The following ITGAE variants were observed in gnomAD, a reference collection of about 807,000 sequenced individuals.
The protein encoded by ITGAE is integrin alpha-E.
ITGAE carries 99 observed loss-of-function variants against 136.5 expected under a neutral mutation model. The observed-to-expected ratio is 0.73, with a 90% CI of 0.62 to 0.86. The LOEUF (loss-of-function observed/expected upper bound fraction) is 0.86. Among genes scored for constraint, ITGAE ranks in the 40% least tolerant of loss-of-function variants. The probability of loss-of-function intolerance (pLI) is 0.00; values close to 1 mark genes in which losing one functional copy is unlikely to be tolerated. For missense variants in ITGAE, 1,447 were observed against 1,515.3 expected, an observed-to-expected ratio of 0.95 and a Z score of 0.75; for synonymous variants, 613 against 591.8, an observed-to-expected ratio of 1.04 and a Z score of -0.52.
chr17:3,727,485 C>T (rs372015228), intron 26 of ITGAE, among the ~76,000 whole-genome samples: 29 of 151,750 alleles, frequency 1.9e-4, no homozygotes, highest in East Asian at 1.8e-3. Flanking sequence ...CTGCAAGCTC[C>T]GCCTCCCGGG....
At chr17:3,719,977 C>T (rs1044727174) in intron 29 of ITGAE, among the ~76,000 whole-genome samples, 5 of 152,168 alleles carry the variant, frequency 3.3e-5, no homozygotes, top group South Asian at 2.1e-4. Context: ...CCACCTGTCT[C>T]GGCCTCCCAA....
intron 21 of ITGAE, among the ~76,000 whole-genome samples, chr17:3,733,417 T>C (rs2051391347): frequency 6.6e-6 from 1 of 152,050 alleles, no homozygotes; most frequent in South Asian, 2.1e-4. Flanking sequence ...ACTTTGGTTT[T>C]GTTTGTTTGT....
intron 1 of ITGAE, among the ~76,000 whole-genome samples, chr17:3,786,133 C>T (rs1210636170): frequency 1.4e-5 from 2 of 146,554 alleles, no homozygotes; most frequent in African/African-American, 5.1e-5. Context: ...CGCCACTGCA[C>T]TCCAGCCTGG....
intron 8 of ITGAE, 137 bp downstream of exon 8, chr17:3,759,265 C>A: frequency 1.0e-6 from 1 of 966,988 alleles, no homozygotes. Context: ...TGTCATCCCT[C>A]ACGTTCTCTC....
rs373388810 is a variant in ITGAE, at chr17:3,732,399, C to T, written c.2723G>A (p.Arg908Lys). 2.6e-5 allele frequency: 42 copies of T among 1,614,142 alleles called. No homozygotes were observed. In the African/African-American group the frequency reaches 5.1e-4, roughly 19 times the overall value. ...CCTCTTGAGGACGGGGTGACCAATC[C>T]TGCAGTTCATGATCAGGACAGAAGC... ...PVASVLIMNCRIGHPVLKRSS... is the reference protein window; with the variant it reads ...PVASVLIMNCKIGHPVLKRSS... Residue 908 changes from arginine (R) to lysine (K), a missense_variant, in exon 22 of 31, where the codon AGG (arginine) becomes AAG (lysine). This residue lies in a region of ITGAE where 1,031 missense variants were observed against 1,011.4 expected (regional missense o/e 1.02). Coordinates refer to ENST00000263087, the MANE Select transcript of ITGAE (RefSeq NM_002208.5).
At chr17:3,719,253 A>AAAAAG (rs2051002892) in intron 29 of ITGAE, among the ~76,000 whole-genome samples, 1 of 109,550 alleles carries the variant, frequency 9.1e-6, no homozygotes, top group Admixed American at 8.8e-5. Flanking sequence ...AAAAAAAAAA[A>AAAAAG]AAAGAAAAGA....
intron 20 of ITGAE, among the ~76,000 whole-genome samples, chr17:3,737,712 G>A (rs1412061048): frequency 6.6e-6 from 1 of 152,196 alleles, no homozygotes; most frequent in Non-Finnish European, 1.5e-5. Context: ...CAAAATTTAT[G>A]TATGCACATG....
intron 1 of ITGAE, among the ~76,000 whole-genome samples, chr17:3,787,315 T>C (rs2052824143): frequency 6.6e-6 from 1 of 152,118 alleles, no homozygotes; most frequent in African/African-American, 2.4e-5. Flanking sequence ...TTTCCCCATG[T>C]TGGCCAGGCT....
At chr17:3,755,738 G>C (rs2052004128) in intron 11 of ITGAE, 92 bp downstream of exon 11, 1 of 1,031,488 alleles carries the variant, frequency 9.7e-7, no homozygotes. Context: ...GTAGGGCAGA[G>C]CCCTGGATGG....
At chr17:3,724,336 G>T in intron 26 of ITGAE, 1 of 1,591,796 alleles carries the variant, frequency 6.3e-7, no homozygotes, top group Non-Finnish European at 8.5e-7. Flanking sequence ...GGCCCGCTCC[G>T]ACTTCCGCCC....
rs752518999 is a variant in ITGAE, at chr17:3,755,175, G to A, written c.1326C>T (p.Phe442=). The A allele has an allele frequency of 1.4e-5, 22 of 1,571,606 alleles. No individual in the cohort carries two copies. The African/African-American group carries it at 2.9e-4, about 20-fold the overall frequency. ...CCGCCGCCGCCGCTGTCTGGTTCAG[G>A]AAGCGGCCCCGGCGGCTGCGTGTGT... is the stretch of plus-strand genomic sequence containing the variant. ...LYDTRSRRGR[F]LNQTAAAAAD... Residue 442 remains phenylalanine (F), a synonymous_variant, in exon 12 of 31, where the codon TTC becomes TTT. Transcript: ENST00000263087.
At chr17:3,734,741 G>A in intron 21 of ITGAE, 76 bp downstream of exon 21, 24 of 1,572,660 alleles carry the variant, frequency 1.5e-5, no homozygotes, top group Non-Finnish European at 2.0e-5. Flanking sequence ...CCAGTGAGGG[G>A]GCCACCACAG....
chr17:3,783,985 G>T (rs2052721239), intron 1 of ITGAE, among the ~76,000 whole-genome samples: 1 of 152,218 alleles, frequency 6.6e-6, no homozygotes, highest in Non-Finnish European at 1.5e-5. Context: ...GACCAGCGGG[G>T]CGCGGCGGCT....
In ITGAE at chr17:3,729,542, G is replaced by A. The variant is rs1716; in HGVS notation, c.2848C>T (p.Arg950Trp). ...GTGTGGGTCTCGTTGGCCAAAGACC[G>A]TCTTTCATTGGAACTAGGAATAAGA... The part of the protein sequence containing the change: ...TVTVTNSNER[R>W]SLANETHTLQ... The change falls in exon 24 of 31, where the codon CGG becomes TGG. Residue 950 changes from arginine to tryptophan, a missense_variant. Coordinates refer to ENST00000263087, the MANE Select transcript of ITGAE (RefSeq NM_002208.5). The A allele has an allele frequency of 0.33, 521,696 of 1,588,368 alleles. 91,608 individuals carry two copies. The highest frequency in any genetic ancestry group is 0.5 in the South Asian group (45,482 of 90,400).
chr17:3,725,943 A>G, intron 26 of ITGAE: 2 of 1,613,662 alleles, frequency 1.2e-6, no homozygotes, highest in Non-Finnish European at 1.7e-6. Flanking sequence ...CTACACCCTC[A>G]ATGGGAAGAG....
chr17:3,724,395 G>C (rs778123270), intron 26 of ITGAE: 28 of 1,610,520 alleles, frequency 1.7e-5, no homozygotes, highest in Non-Finnish European at 2.2e-5. Context: ...CAGCGTGTGC[G>C]GCCAGCCCAG....
intron 14 of ITGAE, 151 bp downstream of exon 14, chr17:3,753,139 C>T (rs2143020673): frequency 1.4e-6 from 1 of 724,522 alleles, no homozygotes; most frequent in South Asian, 2.0e-5. Context: ...AGCGATGCCG[C>T]TGCCCCGCCC....
At chr17:3,763,730 C>T (rs2052228136) in intron 3 of ITGAE, 139 bp downstream of exon 3, 1 of 706,978 alleles carries the variant, frequency 1.4e-6, no homozygotes, top group Non-Finnish European at 2.5e-6. Context: ...TGGAATCTTG[C>T]TGTGGGTTAT....
At chr17:3,779,188 A>C (rs995768474) in intron 1 of ITGAE, among the ~76,000 whole-genome samples, 1 of 152,242 alleles carries the variant, frequency 6.6e-6, no homozygotes, top group East Asian at 1.9e-4. Flanking sequence ...GAACACACGC[A>C]ATGAATGGTC....
Sources: allele counts gnomAD v4.1 joint callset (sites outside exome capture counted in the v4.1 genomes callset), GRCh38; gene constraint gnomAD v4.1.1; regional missense constraint gnomAD v4.1.1; transcripts MANE v1.5; gene names NCBI Gene and HGNC (gene_info 2026-07-23, HGNC 2026-07-21).